KDM6B: variants seen among roughly 807,000 people sequenced by gnomAD.
KDM6B encodes lysine-specific demethylase 6B.
In KDM6B, 22 loss-of-function variants were observed where a neutral mutation model predicts 150.4. The observed-to-expected ratio is 0.15, with a 90% CI of 0.10 to 0.21. KDM6B has a LOEUF of 0.21. Among genes scored for constraint, KDM6B ranks in the 10% least tolerant of loss-of-function variants. The pLI is 1.00. For synonymous variants in KDM6B, 1,148 were observed against 921.1 expected, an observed-to-expected ratio of 1.25 and a Z score of -4.46; for missense variants, 1,984 against 2,234.3, an observed-to-expected ratio of 0.89 and a Z score of 2.26.
At chr17:7,840,696 C>T (rs1357627096) in intron 2 of KDM6B, 4 of 152,314 alleles carry the variant, frequency 2.6e-5, no homozygotes, top group African/African-American at 9.6e-5. Flanking sequence ...TGTTGTTCTT[C>T]CTCATTACAT....
chr17:7,835,394 G>A (rs1013410859), intron 1 of KDM6B, among the ~76,000 whole-genome samples: 1 of 152,140 alleles, frequency 6.6e-6, no homozygotes, highest in African/African-American at 2.4e-5. Context: ...GACAGGAAGA[G>A]CCCTGGGAGG....
At position 7,841,761 on chromosome 17, in the gene KDM6B, G is replaced by A. The variant is rs577227197; in HGVS notation, c.-269+1737G>A. ...CAGTGACACATAGCGGGCCGGGGCC[G>A]GCACCGTCACTCCTCGGTGGGGGGC... On this transcript the variant is annotated intron_variant, in intron 2 of 23. Transcript: ENST00000448097. Among the ~76,000 whole-genome samples the A allele has an allele frequency of 6.6e-5, 10 of 152,342 alleles. 1 individual carries two copies. The highest frequency in any genetic ancestry group is 6.5e-4 in the Admixed American group (10 of 15,312).
intron 1 of KDM6B, among the ~76,000 whole-genome samples, chr17:7,835,898 G>T (rs2078326893): frequency 6.6e-6 from 1 of 152,172 alleles, no homozygotes; most frequent in Admixed American, 6.5e-5. Flanking sequence ...GGTCTGCACC[G>T]TTTCGCCGGT....
At chr17:7,838,620 G>A (rs547275350) in intron 1 of KDM6B, among the ~76,000 whole-genome samples, 1 of 123,648 alleles carries the variant, frequency 8.1e-6, no homozygotes, top group Non-Finnish European at 1.7e-5. Context: ...GACCCCCTAG[G>A]CTTCCCCCTC....
chr17:7,846,969 G>A lies in KDM6B; in HGVS notation c.862G>A (p.Asp288Asn). 1 of 1,605,438 alleles carries A rather than the reference G, an allele frequency of 6.2e-7. No homozygotes were observed. Among genetic ancestry groups the A allele is most frequent in the Non-Finnish European group, 8.5e-7 (1 of 1,176,262 alleles). ...KPGLWSTLHG[D>N]AWGPERKGSA... ...AGGGCTGTGGAGTACCCTGCATGGAGATGCCTGGGGCCCAGAGCGCAAGGG... is the reference window on the plus strand; with the variant it reads ...AGGGCTGTGGAGTACCCTGCATGGAAATGCCTGGGGCCCAGAGCGCAAGGG... The change falls in exon 10 of 24, where the codon GAT (aspartate) becomes AAT (asparagine). Residue 288 changes from aspartate to asparagine, a missense_variant. Transcript: ENST00000448097.
At position 7,847,552 on chromosome 17, in the gene KDM6B, G is replaced by T; in HGVS notation, c.1264G>T (p.Ala422Ser). 2 of 1,613,240 alleles carry T rather than the reference G, an allele frequency of 1.2e-6. No homozygotes were observed. Among genetic ancestry groups the T allele is most frequent in the Non-Finnish European group, 1.7e-6 (2 of 1,179,918 alleles). Residue 422 changes from alanine (A) to serine (S), a missense_variant, in exon 12 of 24, where the codon GCT (alanine) becomes TCT (serine). Transcript: ENST00000448097. ...GVEPNPGIPG[A>S]DHYQTPALEV... ...CCTGCTTCTACACTTGCAGCCCGGC[G>T]CTGACCATTACCAAACTCCCGCGCT...
At position 7,846,654 on chromosome 17, in the gene KDM6B, G is replaced by T. The variant is rs148641957; in HGVS notation, c.625G>T (p.Val209Leu). ...TGCTGAACCCCCAGTGGTGCAGCCT[G>T]TGCCTCCTGCAGCACTCTCAGGCCC... Reference protein sequence around the residue: ...RAAEPPVVQPVPPAALSGPSG... With the variant: ...RAAEPPVVQPLPPAALSGPSG... The change falls in exon 9 of 24, where the codon GTG becomes TTG. Residue 209 changes from valine to leucine, a missense_variant. Physicochemically the swap from Val to Leu is conservative, Grantham distance 32. This residue lies in a region of KDM6B where 337 missense variants were observed against 323.9 expected (regional missense o/e 1.04). Transcript: ENST00000448097. 6,581 of 1,614,126 alleles carry T rather than the reference G, an allele frequency of 4.1e-3. 24 individuals are homozygous for T. Among genetic ancestry groups the T allele is most frequent in the Non-Finnish European group, 4.4e-3 (5,150 of 1,179,996 alleles).
rs2078492789 is a variant in KDM6B, at chr17:7,844,648, T to C, written c.-268-253T>C. On this transcript the variant is annotated intron_variant, in intron 2 of 23. Transcript: ENST00000448097. This position sits in a 1 kb window ranked among gnomAD's most constrained non-coding sequence, Gnocchi z 5.9. ...GTGGCCACCGGCGGCTCTGGGTGCT[T>C]GAGGCTTGCGGGTAGCGCCGGCCCC... 6.6e-6 allele frequency among the ~76,000 whole-genome samples: 1 copy of C among 152,146 alleles called. No homozygotes were observed. Among genetic ancestry groups the C allele is most frequent in the Non-Finnish European group, 1.5e-5 (1 of 68,008 alleles).
chr17:7,842,771 G>A (rs1378043145), intron 2 of KDM6B, among the ~76,000 whole-genome samples: 2 of 152,058 alleles, frequency 1.3e-5, no homozygotes, highest in Admixed American at 6.5e-5. Context: ...CAGGGAGGCG[G>A]GGGCTGAGTC....
At chr17:7,837,562 C>T (rs1170598838) in intron 1 of KDM6B, among the ~76,000 whole-genome samples, 2 of 152,146 alleles carry the variant, frequency 1.3e-5, no homozygotes, top group East Asian at 3.8e-4. Flanking sequence ...AGAGCTTGGG[C>T]TGTCAGATCA....
intron 1 of KDM6B, among the ~76,000 whole-genome samples, chr17:7,836,830 G>T (rs2078340304): frequency 1.3e-5 from 2 of 152,132 alleles, no homozygotes; most frequent in South Asian, 4.1e-4. Context: ...GCCCCGTAGG[G>T]GTCAAAGGTC....
intron 1 of KDM6B, among the ~76,000 whole-genome samples, chr17:7,839,610 G>A (rs1419912363): frequency 6.6e-6 from 1 of 152,120 alleles, no homozygotes; most frequent in African/African-American, 2.4e-5. Context: ...GGCGACTCAG[G>A]CCAGGGAGTC....
In KDM6B at chr17:7,848,172, C is replaced by T; in HGVS notation, c.1884C>T (p.Pro628=). Residue 628 remains proline, a synonymous_variant, in exon 12 of 24, where the codon CCC becomes CCT. Transcript: ENST00000448097. Reference sequence around the variant, plus strand: ...GAAGCTTCAGGCGCCCGGAGAGCCCCCGGCCCAGGGTCTCCTTCCCAAAGA... The same window carrying T: ...GAAGCTTCAGGCGCCCGGAGAGCCCTCGGCCCAGGGTCTCCTTCCCAAAGA... ...TSGSFRRPES[P]RPRVSFPKTP... 1.2e-6 allele frequency: 2 copies of T among 1,612,734 alleles called. No homozygotes were observed.
chr17:7,846,286 C>G lies in KDM6B; in HGVS notation c.445C>G (p.Arg149Gly). ...SFAELGPRIG[R>G]LQQAQLWNFH... is the part of the protein sequence containing the mutation. ...CGCTGAGCTGGGGCCCCGCATTGGC[C>G]GACTGCAGCAGGTAGGAGAAGGCAG... The change falls in exon 7 of 24, where the codon CGA becomes GGA. Residue 149 changes from arginine (R) to glycine (G), a missense_variant. Transcript: ENST00000448097. 1 of 1,613,030 alleles carries G rather than the reference C, an allele frequency of 6.2e-7. No individual in the cohort carries two copies. The highest frequency in any genetic ancestry group is 8.5e-7 in the Non-Finnish European group (1 of 1,179,550).
At chr17:7,835,018 G>A (rs1040115577) in intron 1 of KDM6B, among the ~76,000 whole-genome samples, 12 of 152,122 alleles carry the variant, frequency 7.9e-5, no homozygotes, top group African/African-American at 2.4e-4. Flanking sequence ...GCCACAAGAT[G>A]GCGAGGGCGA....
chr17:7,846,380 C>A lies in KDM6B; in HGVS notation c.457-20C>A. 6.8e-7 allele frequency: 1 copy of A among 1,481,294 alleles called. No individual in the cohort carries two copies. Among genetic ancestry groups the A allele is most frequent in the East Asian group, 2.4e-5 (1 of 41,176 alleles). The allele number at this position is 1,481,294 out of a possible 1,614,324, so 91.8% of individuals were successfully genotyped here. ...GCCCCACCTGACATCTGCCCCTGCC[C>A]CGTGTCCCCCCACCCCCAGGCCCAG... On this transcript the variant is annotated intron_variant, in intron 7 of 23. Coordinates refer to ENST00000448097, the MANE Select transcript of KDM6B (RefSeq NM_001348716.2).
In KDM6B at chr17:7,848,463, G is replaced by A; in HGVS notation, c.2175G>A (p.Leu725=). Residue 725 remains leucine, a synonymous_variant, in exon 12 of 24, where the codon CTG becomes CTA. Transcript: ENST00000448097. ...CAGGCGTGGCCCCCCAACCCCCGCTGAAGGAGCCCTTTGCATCTCTGCAGT... is the reference window on the plus strand; with the variant it reads ...CAGGCGTGGCCCCCCAACCCCCGCTAAAGGAGCCCTTTGCATCTCTGCAGT... ...HEAGVAPQPP[L]KEPFASLQSP... 5.0e-6 allele frequency: 8 copies of A among 1,610,490 alleles called. No homozygotes were observed. The highest frequency in any genetic ancestry group is 5.9e-6 in the Non-Finnish European group (7 of 1,179,668).
Position 7,847,818 on chromosome 17 carries a change from A to ACCCCCC in KDM6B, c.1532_1537dup (p.Pro511_Pro512dup). Reference sequence around the variant, plus strand: ...AAGAGCTCTTCTTTGGGACTGAGGGACCCCCCCGCCCTGCCCCACCACCCC... The same window carrying ACCCCCC: ...AAGAGCTCTTCTTTGGGACTGAGGGACCCCCCCCCCCCCGCCCTGCCCCACCACCCC... On this transcript the variant is annotated inframe_insertion, in exon 12 of 24. Transcript: ENST00000448097. The ACCCCCC allele has an allele frequency of 4.2e-5, 60 of 1,416,378 alleles. No homozygotes were observed. The highest frequency in any genetic ancestry group is 5.0e-5 in the Non-Finnish European group (53 of 1,060,934). 87.7% of individuals were successfully genotyped at this position (1,416,378 alleles called of 1,614,324 possible).
At chr17:7,845,758 C>T (rs1486492507) in intron 5 of KDM6B, 67 bp downstream of exon 5, 1 of 1,609,062 alleles carries the variant, frequency 6.2e-7, no homozygotes, top group Non-Finnish European at 8.5e-7. Flanking sequence ...CAATCTGTGT[C>T]ATTCTCCATG....
Sources: gnomAD v4.1 joint callset for allele counts (sites outside exome capture counted in the v4.1 genomes callset) on GRCh38, gnomAD v4.1.1 for gene constraint, gnomAD v4.1.1 regional missense constraint, Gnocchi (gnomAD v3.1) non-coding constraint, MANE v1.5 for transcripts, NCBI Gene and HGNC (gene_info 2026-07-23, HGNC 2026-07-21) for gene names.